Variants in RBKS observed in about 807,000 individuals in gnomAD.
The protein encoded by RBKS is ribokinase.
Under a neutral mutation model 33.9 loss-of-function variants are expected in RBKS, and 33 were observed. The observed-to-expected ratio is 0.97, with a 90% CI of 0.74 to 1.30. The LOEUF (loss-of-function observed/expected upper bound fraction) is 1.30, where lower values mean the gene tolerates loss of function less well. Ranked by LOEUF, RBKS falls within the 50% of genes most tolerant of loss-of-function variation. The pLI, the probability that RBKS is intolerant of heterozygous loss-of-function variation, is 0.00. For missense variants in RBKS, 361 were observed against 392.6 expected (o/e 0.92, Z 0.68); for synonymous variants, 125 against 143.0 (o/e 0.87, Z 0.90).
rs546728987 is a variant in RBKS at position 27,862,123 on chromosome 2, A to AT, written c.90-3553dup. On this transcript the variant is annotated intron_variant, in intron 1 of 7. Transcript: ENST00000302188. ...CCACCACTCCTGGTTAATTTTTTGTATTTTTTTATAGAGACGGGGTTTTGC... is the reference window on the plus strand; with the variant it reads ...CCACCACTCCTGGTTAATTTTTTGTATTTTTTTTATAGAGACGGGGTTTTGC... Among the ~76,000 whole-genome samples, 5 of 151,272 alleles carry AT rather than the reference A, an allele frequency of 3.3e-5. No homozygotes were observed. In the South Asian group the frequency reaches 6.3e-4, roughly 19 times the overall value.
At chr2:27,835,584 ATTTT>A (rs34787188) in intron 5 of RBKS, among the ~76,000 whole-genome samples, 3 of 125,556 alleles carry the variant, frequency 2.4e-5, no homozygotes, top group African/African-American at 3.0e-5. Flanking sequence ...TGCTTGGGCA[ATTTT>A]TTTTTTTTTT....
Position 27,786,840 on chromosome 2 carries a change from T to C in RBKS, c.796-5052A>G, listed in dbSNP as rs1217393596. Among the ~76,000 whole-genome samples, 6 of 151,662 alleles carry C rather than the reference T, an allele frequency of 4.0e-5. 1 individual carries two copies. The highest frequency in any genetic ancestry group is 2.0e-4 in the Admixed American group (3 of 15,240). On this transcript the variant is annotated intron_variant, in intron 7 of 7. Coordinates refer to ENST00000302188, the MANE Select transcript of RBKS (RefSeq NM_022128.3). ...ATTGTACCCACACCTGAAAACACTC[T>C]TAAAATCACTTAAATTCCCTTCCAC... is the stretch of plus-strand genomic sequence containing the variant.
At chr2:27,854,301 C>T (rs912209497) in intron 2 of RBKS, among the ~76,000 whole-genome samples, 16 of 152,158 alleles carry the variant, frequency 1.1e-4, no homozygotes, top group African/African-American at 2.4e-4. Flanking sequence ...CTGTTTGGAC[C>T]GGTGACAATC....
intron 7 of RBKS, among the ~76,000 whole-genome samples, chr2:27,789,989 A>ATATATAT (rs1677490977): frequency 8.0e-6 from 1 of 125,684 alleles, no homozygotes; most frequent in African/African-American, 3.6e-5. Flanking sequence ...ATATATGTAG[A>ATATATAT]GAGAGAGAGA....
chr2:27,818,877 T>C (rs1458947383), intron 7 of RBKS, among the ~76,000 whole-genome samples: 5 of 152,164 alleles, frequency 3.3e-5, no homozygotes, highest in African/African-American at 1.2e-4. Flanking sequence ...CGCTAGTTAA[T>C]GGCTAAATCA....
At position 27,789,947 on chromosome 2, in the gene RBKS, GTGTATATATATATATATATATATA is replaced by G. The variant is rs200352281; in HGVS notation, c.796-8183_796-8160del. On this transcript the variant is annotated intron_variant, in intron 7 of 7. Transcript: ENST00000302188. ...TGTGTATATATATATATATGTATAT[GTGTATATATATATATATATATATA>G]TGTATATATATATGTAGAGAGAGAG... Among the ~76,000 whole-genome samples, 836 of 95,150 alleles carry G rather than the reference GTGTATATATATATATATATATATA, an allele frequency of 8.8e-3. 10 individuals carry two copies. The highest frequency in any genetic ancestry group is 0.018 in the African/African-American group (416 of 23,316). The allele number at this position is 95,150 out of a possible 152,430, so 62.4% of individuals were successfully genotyped here. A position where few individuals can be genotyped will look rare whatever the true frequency, so the allele number is the denominator to read the frequency against.
intron 2 of RBKS, among the ~76,000 whole-genome samples, chr2:27,852,999 G>A (rs1663782945): frequency 6.6e-6 from 1 of 152,058 alleles, no homozygotes; most frequent in South Asian, 2.1e-4. Context: ...AAATACATAA[G>A]AAGAATATAT....
At chr2:27,815,308 A>G (rs992372984) in intron 7 of RBKS, among the ~76,000 whole-genome samples, 2 of 152,062 alleles carry the variant, frequency 1.3e-5, no homozygotes, top group Non-Finnish European at 1.5e-5. Context: ...CCCAGGCTCA[A>G]GTGATCCTCT....
intron 7 of RBKS, among the ~76,000 whole-genome samples, chr2:27,793,204 C>T (rs2148184564): frequency 6.6e-6 from 1 of 152,182 alleles, no homozygotes; most frequent in Admixed American, 6.5e-5. Context: ...CTAGTAAAAA[C>T]CTTTAAAAAG....
intron 5 of RBKS, among the ~76,000 whole-genome samples, chr2:27,838,662 A>G (rs1663372709): frequency 6.6e-6 from 1 of 152,236 alleles, no homozygotes; most frequent in South Asian, 2.1e-4. Context: ...AAAGAAACAT[A>G]AATTAGTAGA....
Position 27,890,243 on chromosome 2 carries a change from G to C in RBKS, c.89+14C>G, listed in dbSNP as rs771177489. 6.2e-7 allele frequency: 1 copy of C among 1,612,248 alleles called. No individual in the cohort carries two copies. Among genetic ancestry groups the C allele is most frequent in the Non-Finnish European group, 8.5e-7 (1 of 1,179,170 alleles). ...CCCCCGAGCCGCAGACTGAGTAACT[G>C]GCCCCGGACTAACCTGACCAGGTCG... On this transcript the variant is annotated intron_variant, in intron 1 of 7. Transcript: ENST00000302188. This position sits in a 1 kb window ranked among gnomAD's most constrained non-coding sequence, Gnocchi z 4.8.
At chr2:27,828,889 T>C (rs1678369842) in intron 6 of RBKS, among the ~76,000 whole-genome samples, 1 of 152,244 alleles carries the variant, frequency 6.6e-6, no homozygotes, top group Non-Finnish European at 1.5e-5. Flanking sequence ...TTAAAGTATT[T>C]TTTGCATTGT....
At position 27,890,210 on chromosome 2, in the gene RBKS, C is replaced by G. The variant is rs754143786; in HGVS notation, c.89+47G>C. 8 of 1,574,214 alleles carry G rather than the reference C, an allele frequency of 5.1e-6. No individual in the cohort carries two copies. The South Asian group carries it at 8.9e-5, about 18-fold the overall frequency. On this transcript the variant is annotated intron_variant, in intron 1 of 7. Coordinates refer to ENST00000302188, the MANE Select transcript of RBKS (RefSeq NM_022128.3). The surrounding 1 kb of genome is among the most constrained non-coding windows in gnomAD (Gnocchi z 4.8). ...TCCACTGGGCGCATAGCGCACGGCA[C>G]GCCTCCTCCCCCGAGCCGCAGACTG...
intron 1 of RBKS, among the ~76,000 whole-genome samples, chr2:27,873,841 A>AC (rs70953895): frequency 2.3e-4 from 35 of 152,060 alleles, no homozygotes; most frequent in Non-Finnish European, 2.9e-4. Context: ...CAAAAAAAAA[A>AC]CAAAACACCC....
At chr2:27,870,986 C>T (rs1185521721) in intron 1 of RBKS, 2 of 425,910 alleles carry the variant, frequency 4.7e-6, no homozygotes, top group African/African-American at 2.0e-5. Flanking sequence ...CATTAATCCA[C>T]TCTAACAATT....
chr2:27,884,248 CTCTT>C (rs1406859406), intron 1 of RBKS, among the ~76,000 whole-genome samples: 4 of 152,096 alleles, frequency 2.6e-5, no homozygotes, highest in Non-Finnish European at 4.4e-5. Context: ...CAGTATAACT[CTCTT>C]TTATTTTTTT....
rs144772878 is a variant in RBKS at position 27,890,309 on chromosome 2, C to A, written c.37G>T (p.Glu13Ter). The A allele has an allele frequency of 1.2e-6, 2 of 1,613,806 alleles. No individual in the cohort carries two copies. Among genetic ancestry groups the A allele is most frequent in the African/African-American group, 2.7e-5 (2 of 74,940 alleles). The change falls in exon 1 of 8, where the codon GAG becomes TAG. Residue 13 changes from glutamate (E) to a stop codon, truncating the protein, a stop_gained. Transcript: ENST00000302188. LOFTEE classifies it high-confidence loss of function. The surrounding 1 kb of genome is among the most constrained non-coding windows in gnomAD (Gnocchi z 4.8). Reference protein sequence around the residue: ...ASGEPQRQWQEEVAAVVVVGS... With the variant: ...ASGEPQRQWQ ...ACCACTACCACCGCCGCCACCTCCT[C>A]TTGCCACTGCCTCTGGGGTTCCCCA...
intron 7 of RBKS, among the ~76,000 whole-genome samples, chr2:27,811,422 T>C (rs1048004602): frequency 1.3e-5 from 2 of 152,170 alleles, no homozygotes; most frequent in Non-Finnish European, 1.5e-5. Context: ...CCTCATTCCA[T>C]TTTGCCATTC....
chr2:27,882,227 A>G (rs1238956389), intron 1 of RBKS, among the ~76,000 whole-genome samples: 2 of 152,208 alleles, frequency 1.3e-5, no homozygotes, highest in African/African-American at 4.8e-5. Context: ...TCTACAAGAA[A>G]AAAAAACAAC....
Sources: allele counts gnomAD v4.1 joint callset (sites outside exome capture counted in the v4.1 genomes callset), GRCh38; gene constraint gnomAD v4.1.1; non-coding constraint Gnocchi (gnomAD v3.1); transcripts MANE v1.5; gene names NCBI Gene and HGNC (gene_info 2026-07-23, HGNC 2026-07-21).